PARD3B: variants seen among roughly 807,000 people sequenced by gnomAD.
PARD3B encodes the protein partitioning defective 3 homolog B.
In PARD3B, 103 loss-of-function variants were observed where a neutral mutation model predicts 130.2. The ratio of observed to expected loss-of-function variants is 0.79; its 90% confidence interval spans 0.67 to 0.93. The LOEUF (loss-of-function observed/expected upper bound fraction) is 0.93. PARD3B is among the 40% of genes least tolerant of loss of function. The pLI is 0.00. For missense variants in PARD3B, 1,609 were observed against 1,499.2 expected, an observed-to-expected ratio of 1.07 and a Z score of -1.21; for synonymous variants, 583 against 553.2, an observed-to-expected ratio of 1.05 and a Z score of -0.76.
intron 22 of PARD3B, among the ~76,000 whole-genome samples, chr2:205,587,631 T>C (rs2054244676): frequency 6.6e-6 from 1 of 152,222 alleles, no homozygotes; most frequent in South Asian, 2.1e-4. Context: ...AGCTGCTGTA[T>C]TTCAGGCAAG....
intron 21 of PARD3B, among the ~76,000 whole-genome samples, chr2:205,551,861 C>T (rs2052660184): frequency 6.6e-6 from 1 of 152,132 alleles, no homozygotes; most frequent in South Asian, 2.1e-4. Flanking sequence ...TGCTTACTGG[C>T]AAAATCTCTT....
chr2:205,253,205 A>G lies in PARD3B; in HGVS notation c.2185+7383A>G. 1 of 405,912 alleles carries G rather than the reference A, an allele frequency of 2.5e-6. No individual in the cohort carries two copies. The highest frequency in any genetic ancestry group is 2.6e-5 in the Admixed American group (1 of 37,766). The allele number at this position is 405,912 out of a possible 1,614,324, so 25.1% of individuals were successfully genotyped here. On this transcript the variant is annotated intron_variant, in intron 16 of 22. Coordinates refer to ENST00000406610, the MANE Select transcript of PARD3B (RefSeq NM_001302769.2). This position sits in a 1 kb window ranked among gnomAD's most constrained non-coding sequence, Gnocchi z 4.4. The stretch of plus-strand genomic sequence containing the variant: ...ACCAGCTTTTCTGCAGGTGTTGACC[A>G]GCAATTTCCTGCGGCATTTACTTCT...
At chr2:205,336,105 C>T (rs1189961719) in intron 18 of PARD3B, among the ~76,000 whole-genome samples, 1 of 152,172 alleles carries the variant, frequency 6.6e-6, no homozygotes, top group Non-Finnish European at 1.5e-5. Flanking sequence ...CTACGCACCT[C>T]GGCCTCCCAA....
intron 21 of PARD3B, among the ~76,000 whole-genome samples, chr2:205,522,306 A>C (rs1309946227): frequency 6.6e-6 from 1 of 151,832 alleles, no homozygotes; most frequent in Non-Finnish European, 1.5e-5. Flanking sequence ...GTATTCTAAA[A>C]TATTAAAGAC....
chr2:204,899,205 C>CCCCT (rs1388023884), intron 2 of PARD3B, among the ~76,000 whole-genome samples: 2 of 119,878 alleles, frequency 1.7e-5, no homozygotes, highest in Non-Finnish European at 3.5e-5. Context: ...TCCCTTCCCT[C>CCCCT]CCTTCCCTCC....
intron 16 of PARD3B, among the ~76,000 whole-genome samples, chr2:205,255,330 A>G (rs2040034456): frequency 6.6e-6 from 1 of 152,088 alleles, no homozygotes; most frequent in Admixed American, 6.5e-5. Flanking sequence ...GTTTTTTTCT[A>G]TTCTCACACA....
intron 2 of PARD3B, among the ~76,000 whole-genome samples, chr2:204,883,241 A>C (rs1344486042): frequency 6.6e-6 from 1 of 151,098 alleles, no homozygotes; most frequent in African/African-American, 2.4e-5. Flanking sequence ...CCTCATCACT[A>C]TCCTAACAGT....
intron 1 of PARD3B, among the ~76,000 whole-genome samples, chr2:204,591,427 A>G (rs2033069330): frequency 6.6e-6 from 1 of 152,348 alleles, no homozygotes; most frequent in African/African-American, 2.4e-5. Flanking sequence ...TTTTTTCCAG[A>G]TGGCTGCATG....
At chr2:205,439,074 C>A (rs1358670266) in intron 19 of PARD3B, among the ~76,000 whole-genome samples, 2 of 152,096 alleles carry the variant, frequency 1.3e-5, no homozygotes, top group African/African-American at 4.8e-5. Context: ...CTCAGAAAAT[C>A]CTGCGTTCTA....
At position 205,104,480 on chromosome 2, in the gene PARD3B, C is replaced by A; in HGVS notation, c.559C>A (p.Leu187Ile). The A allele has an allele frequency of 6.3e-7, 1 of 1,598,414 alleles. No individual in the cohort carries two copies. Among genetic ancestry groups the A allele is most frequent in the Non-Finnish European group, 8.6e-7 (1 of 1,165,934 alleles). ...AGTTTTGAATGGTGTACAGACAGAA[C>A]TACTAACTTCGCCAAGAACTAAGGA... is the stretch of plus-strand genomic sequence containing the variant. ...REVLNGVQTE[L>I]LTSPRTKDTL... Residue 187 changes from leucine (L) to isoleucine (I), a missense_variant, in exon 5 of 23, where the codon CTA becomes ATA. Physicochemically the swap from Leu to Ile is conservative, Grantham distance 5. Transcript: ENST00000406610.
intron 2 of PARD3B, among the ~76,000 whole-genome samples, chr2:204,822,064 A>G (rs2043382311): frequency 6.6e-6 from 1 of 152,190 alleles, no homozygotes; most frequent in African/African-American, 2.4e-5. Context: ...GTAAATTGAA[A>G]CCTTCTGGAA....
At chr2:205,355,715 C>G (rs1358742114) in intron 18 of PARD3B, among the ~76,000 whole-genome samples, 4 of 152,076 alleles carry the variant, frequency 2.6e-5, no homozygotes, top group African/African-American at 4.8e-5. Context: ...CTGCCCAAGA[C>G]TGGGTAATTT....
intron 10 of PARD3B, among the ~76,000 whole-genome samples, chr2:205,134,053 A>G (rs901149626): frequency 3.9e-5 from 6 of 152,136 alleles, no homozygotes; most frequent in Non-Finnish European, 1.5e-5. Flanking sequence ...TACATGGACA[A>G]TATTCCAGCA....
intron 4 of PARD3B, among the ~76,000 whole-genome samples, chr2:205,069,158 C>A (rs779176940): frequency 2.6e-5 from 4 of 151,374 alleles, no homozygotes; most frequent in Non-Finnish European, 5.9e-5. Flanking sequence ...GAGGTTTTAT[C>A]TTAAGTGTGC....
At chr2:205,077,770 T>A (rs1387039556) in intron 4 of PARD3B, among the ~76,000 whole-genome samples, 1 of 152,120 alleles carries the variant, frequency 6.6e-6, no homozygotes, top group Non-Finnish European at 1.5e-5. Context: ...ATAGAACACA[T>A]GAGCATTAAG....
intron 19 of PARD3B, among the ~76,000 whole-genome samples, chr2:205,437,390 T>C (rs563176846): frequency 1.3e-4 from 20 of 152,280 alleles, no homozygotes; most frequent in African/African-American, 4.1e-4. Context: ...TTAAGGTATA[T>C]ATTAAAGTGG....
rs2041623276 is a variant in PARD3B, at chr2:205,291,933, C to G, written c.2186-8597C>G. 6.6e-6 allele frequency among the ~76,000 whole-genome samples: 1 copy of G among 152,210 alleles called. No homozygotes were observed. The highest frequency in any genetic ancestry group is 2.1e-4 in the South Asian group (1 of 4,830). ...ACTCTGAAGGCAATTCAGTGATCAT[C>G]AGGACAATCCTTCCTACCAACAGGC... On this transcript the variant is annotated intron_variant, in intron 16 of 22. Coordinates refer to ENST00000406610, the MANE Select transcript of PARD3B (RefSeq NM_001302769.2). This position sits in a 1 kb window ranked among gnomAD's most constrained non-coding sequence, Gnocchi z 4.6.
intron 5 of PARD3B, among the ~76,000 whole-genome samples, chr2:205,112,670 A>T (rs1510768): frequency 0.99 from 151,018 of 152,228 alleles, 74,925 homozygotes; most frequent in Middle Eastern, 1. Context: ...GTTATTATTT[A>T]TAATCTTTAT....
chr2:204,910,042 G>C lies in PARD3B; in HGVS notation c.223-55110G>C, dbSNP rs146051779. ...AGATGATTAGATGATGAGTAAAGAA[G>C]AGTATTGGTGGACCTCCAATATTGA... is the stretch of plus-strand genomic sequence containing the variant. On this transcript the variant is annotated intron_variant, in intron 2 of 22. Transcript: ENST00000406610. Among the ~76,000 whole-genome samples, 325 of 152,210 alleles carry C rather than the reference G, an allele frequency of 2.1e-3. 2 individuals carry two copies. Among genetic ancestry groups the C allele is most frequent in the African/African-American group, 7.6e-3 (317 of 41,526 alleles).
Sources: gnomAD v4.1 joint callset for allele counts (sites outside exome capture counted in the v4.1 genomes callset) on GRCh38, gnomAD v4.1.1 for gene constraint, Gnocchi (gnomAD v3.1) non-coding constraint, MANE v1.5 for transcripts, NCBI Gene and HGNC (gene_info 2026-07-23, HGNC 2026-07-21) for gene names.